PRLR: variants seen among roughly 807,000 people sequenced by gnomAD.
PRLR encodes prolactin receptor.
In PRLR, 13 loss-of-function variants were observed where a neutral mutation model predicts 40.2. The ratio of observed to expected loss-of-function variants is 0.32; its 90% CI spans 0.21 to 0.51. PRLR has a LOEUF of 0.51. Ranked by LOEUF, PRLR falls within the 20% of genes least tolerant of loss-of-function variation. The pLI is 0.97. For synonymous variants in PRLR, 269 were observed against 278.7 expected, an observed-to-expected ratio of 0.97 and a Z score of 0.35; for missense variants, 656 against 747.3, an observed-to-expected ratio of 0.88 and a Z score of 1.42.
intron 1 of PRLR, among the ~76,000 whole-genome samples, chr5:35,183,392 T>C (rs1447444893): frequency 6.6e-6 from 1 of 152,154 alleles, no homozygotes; most frequent in Non-Finnish European, 1.5e-5. Context: ...CGCCCCCCAA[T>C]GGACACCCAG....
chr5:35,065,675 G>C lies in PRLR; in HGVS notation c.1283C>G (p.Ser428Cys). ...CACATCAGTAATATTGTGGTAAGAG[G>C]ATCTGGGGTTGTGCTGGCTGGGCTG... Reference protein sequence around the residue: ...LPQPSQHNPRSSYHNITDVCE... With the variant: ...LPQPSQHNPRCSYHNITDVCE... Residue 428 changes from serine (S) to cysteine (C), a missense_variant, in exon 10 of 10, where the codon TCC (serine) becomes TGC (cysteine). Physicochemically the swap from Ser to Cys is moderately radical, Grantham distance 112. Transcript: ENST00000618457. 1.2e-6 allele frequency: 2 copies of C among 1,614,184 alleles called. No homozygotes were observed. Among genetic ancestry groups the C allele is most frequent in the Non-Finnish European group, 1.7e-6 (2 of 1,180,042 alleles).
chr5:35,090,788 G>A (rs1177279098), intron 2 of PRLR, among the ~76,000 whole-genome samples: 2 of 111,210 alleles, frequency 1.8e-5, no homozygotes, highest in Admixed American at 1.0e-4. Flanking sequence ...CCATCAATTA[G>A]CTCTTTTTTT....
At chr5:35,081,813 A>ACACC (rs1770542239) in intron 5 of PRLR, 1 of 144,960 alleles carries the variant, frequency 6.9e-6, no homozygotes. Context: ...ACACACACAC[A>ACACC]CCCCTCCTGG....
chr5:35,069,982 G>A (rs748092265), intron 7 of PRLR, 142 bp downstream of exon 7: 138 of 954,330 alleles, frequency 1.4e-4, no homozygotes, highest in South Asian at 9.1e-4. Flanking sequence ...AAATGTCTTC[G>A]TATTGGGCAG....
intron 1 of PRLR, among the ~76,000 whole-genome samples, chr5:35,208,929 C>A (rs1046701594): frequency 6.6e-6 from 1 of 151,976 alleles, no homozygotes. Flanking sequence ...TTATTTTAAA[C>A]TTAACAAATT....
At chr5:35,215,302 G>C (rs916012391) in intron 1 of PRLR, among the ~76,000 whole-genome samples, 4 of 152,206 alleles carry the variant, frequency 2.6e-5, no homozygotes, top group African/African-American at 7.2e-5. Flanking sequence ...GAGTGGTCAA[G>C]GATGTTTTAG....
Position 35,066,044 on chromosome 5 carries a change from G to A in PRLR, c.914C>T (p.Ser305Phe), listed in dbSNP as rs772138712. 3 of 1,614,144 alleles carry A rather than the reference G, an allele frequency of 1.9e-6. No individual in the cohort carries two copies. In the Admixed American group the frequency reaches 5.0e-5, roughly 27 times the overall value. ...CTCCACCAGCAAGTCCTCATAGTCA[G>A]AAGTGGGAGGAAAGTCTTGGCATCC... ...ALGCQDFPPT[S>F]DYEDLLVEYL... is the part of the protein sequence containing the mutation. The change falls in exon 10 of 10, where the codon TCT becomes TTT. Residue 305 changes from serine to phenylalanine, a missense_variant. Ser to Phe is a radical substitution (Grantham distance 155). Transcript: ENST00000618457.
At chr5:35,157,588 G>A (rs762304275) in intron 1 of PRLR, among the ~76,000 whole-genome samples, 94 of 152,314 alleles carry the variant, frequency 6.2e-4, no homozygotes, top group Non-Finnish European at 2.9e-4. Flanking sequence ...GGACAGGGCC[G>A]TGGGTCCTCA....
In PRLR at chr5:35,086,073, C is replaced by T. The variant is rs2112461609; in HGVS notation, c.203+135G>A. Reference sequence around the variant, plus strand: ...GGAGAATGTGGGCATGGACCTTAGACTCCCCTTTCCCCGGTGGTATGAACC... The same window carrying T: ...GGAGAATGTGGGCATGGACCTTAGATTCCCCTTTCCCCGGTGGTATGAACC... On this transcript the variant is annotated intron_variant, in intron 4 of 9. Transcript: ENST00000618457. 8.4e-6 allele frequency: 9 copies of T among 1,071,116 alleles called. No homozygotes were observed. The South Asian group carries it at 1.1e-4, about 13-fold the overall frequency. 66.4% of individuals were successfully genotyped at this position (1,071,116 alleles called of 1,614,324 possible).
intron 5 of PRLR, among the ~76,000 whole-genome samples, chr5:35,083,406 T>C (rs946687231): frequency 2.6e-5 from 4 of 151,662 alleles, no homozygotes; most frequent in Admixed American, 6.6e-5. Context: ...CACCAGTAGA[T>C]GCAGAGGTGA....
At chr5:35,224,377 T>C (rs765719286) in intron 1 of PRLR, among the ~76,000 whole-genome samples, 3 of 152,216 alleles carry the variant, frequency 2.0e-5, no homozygotes, top group Admixed American at 6.5e-5. Context: ...CCTTTTTCAA[T>C]TGGGTGTTCT....
At chr5:35,117,895 G>T (rs566474006) in intron 2 of PRLR, among the ~76,000 whole-genome samples, 166 bp downstream of exon 2, 1 of 152,188 alleles carries the variant, frequency 6.6e-6, no homozygotes, top group Non-Finnish European at 1.5e-5. Context: ...ACAGGCTGGG[G>T]AGACTGAAAC....
chr5:35,119,437 G>A (rs1007490429), intron 1 of PRLR, among the ~76,000 whole-genome samples: 3 of 151,536 alleles, frequency 2.0e-5, no homozygotes, highest in Non-Finnish European at 2.9e-5. Flanking sequence ...CATTGCTGCT[G>A]TTGGCATGAT....
Position 35,065,720 on chromosome 5 carries a change from C to A in PRLR, c.1238G>T (p.Cys413Phe). The stretch of plus-strand genomic sequence containing the variant: ...GGGCTGTGGTAAGGGCCATGTTGAA[C>A]ATTTGGATCCACCAGCATGAAAATA... ...IPYFHAGGSK[C>F]STWPLPQPSQ... The change falls in exon 10 of 10, where the codon TGT (cysteine) becomes TTT (phenylalanine). Residue 413 changes from cysteine (C) to phenylalanine (F), a missense_variant. Coordinates refer to ENST00000618457, the MANE Select transcript of PRLR (RefSeq NM_000949.7). The A allele has an allele frequency of 6.2e-7, 1 of 1,614,130 alleles. No homozygotes were observed. The highest frequency in any genetic ancestry group is 8.5e-7 in the Non-Finnish European group (1 of 1,180,020).
At chr5:35,191,365 C>T (rs1459171264) in intron 1 of PRLR, among the ~76,000 whole-genome samples, 5 of 87,654 alleles carry the variant, frequency 5.7e-5, no homozygotes, top group East Asian at 2.7e-4. Context: ...CCACCGCGCC[C>T]GGCCCAGATG....
At chr5:35,124,454 C>G (rs369977965) in intron 1 of PRLR, among the ~76,000 whole-genome samples, 10 of 152,120 alleles carry the variant, frequency 6.6e-5, no homozygotes, top group African/African-American at 2.4e-4. Flanking sequence ...AAGGGACTTT[C>G]AACTCCGAAA....
At position 35,221,769 on chromosome 5, in the gene PRLR, T is replaced by C. The variant is rs531574076; in HGVS notation, c.-106+8499A>G. 2.6e-5 allele frequency among the ~76,000 whole-genome samples: 4 copies of C among 152,346 alleles called. No individual in the cohort carries two copies. In the South Asian group the frequency reaches 8.3e-4, roughly 32 times the overall value. ...CAACACTGTTTAAGAGGCTTGCTTT[T>C]TGCTATTGCTAAAGCTTTTGGAAAT... On this transcript the variant is annotated intron_variant, in intron 1 of 9. Transcript: ENST00000618457.
intron 5 of PRLR, among the ~76,000 whole-genome samples, chr5:35,082,941 A>G (rs1353427365): frequency 6.6e-6 from 1 of 152,136 alleles, no homozygotes; most frequent in Non-Finnish European, 1.5e-5. Context: ...CTTTTTAAAC[A>G]TATTACTTTT....
intron 2 of PRLR, among the ~76,000 whole-genome samples, chr5:35,090,607 T>C (rs937259947): frequency 6.6e-6 from 1 of 151,900 alleles, no homozygotes; most frequent in Admixed American, 6.6e-5. Flanking sequence ...GTTGTTGTTG[T>C]TTTAATCAAG....
Sources: gnomAD v4.1 joint callset for allele counts (sites outside exome capture counted in the v4.1 genomes callset) on GRCh38, gnomAD v4.1.1 for gene constraint, MANE v1.5 for transcripts, NCBI Gene and HGNC (gene_info 2026-07-23, HGNC 2026-07-21) for gene names.